Variants in CSNK2A2 observed in about 807,000 individuals in gnomAD.
CSNK2A2 encodes casein kinase 2 alpha 2.
In CSNK2A2, 8 loss-of-function variants were observed where a neutral mutation model predicts 54.0. The ratio of observed to expected loss-of-function variants is 0.15; its 90% CI spans 0.09 to 0.27. The LOEUF (loss-of-function observed/expected upper bound fraction) is 0.27, where lower values mean the gene tolerates loss of function less well. Among genes scored for constraint, CSNK2A2 ranks in the 10% least tolerant of loss-of-function variants. The pLI is 1.00. For missense variants in CSNK2A2, 242 were observed against 439.4 expected (o/e 0.55, Z 4.02); for synonymous variants, 141 against 153.9 (o/e 0.92, Z 0.62).
chr16:58,161,397 T>C (rs1961351975), intron 11 of CSNK2A2: 1 of 152,204 alleles, frequency 6.6e-6, no homozygotes. Flanking sequence ...ATAGGCACTT[T>C]TAACCTGTTT....
rs1962477452 is a variant in CSNK2A2 at position 58,197,135 on chromosome 16, GC to G, written c.105-292del. 3 of 376,960 alleles carry G rather than the reference GC, an allele frequency of 8.0e-6. No homozygotes were observed. The highest frequency in any genetic ancestry group is 2.0e-5 in the African/African-American group (1 of 49,458). 23.4% of individuals were successfully genotyped at this position (376,960 alleles called of 1,614,324 possible). A position where few individuals can be genotyped will look rare whatever the true frequency, so the allele number is the denominator to read the frequency against. On this transcript the variant is annotated intron_variant, in intron 1 of 11. Coordinates refer to ENST00000262506, the MANE Select transcript of CSNK2A2 (RefSeq NM_001896.4). The surrounding 1 kb of genome is among the most constrained non-coding windows in gnomAD (Gnocchi z 4.0). ...CACCCGTCCTGAAGGCCTAGAGGGT[GC>G]CCCCTGTGCCCCGCGGCTCCCCAGC...
chr16:58,162,401 G>A (rs1377818992), intron 11 of CSNK2A2: 1 of 152,002 alleles, frequency 6.6e-6, no homozygotes, highest in African/African-American at 2.4e-5. Context: ...CTTGGCTTTG[G>A]GATCTTATTT....
intron 2 of CSNK2A2, among the ~76,000 whole-genome samples, chr16:58,190,787 G>C (rs1011015471): frequency 5.9e-5 from 9 of 152,228 alleles, no homozygotes; most frequent in Admixed American, 5.2e-4. Context: ...GTACACTGCA[G>C]TCAGAATGTA....
chr16:58,193,029 C>A (rs1962354937), intron 2 of CSNK2A2: 1 of 152,228 alleles, frequency 6.6e-6, no homozygotes, highest in Non-Finnish European at 1.5e-5. Context: ...TAATTTTTAA[C>A]ATTATTTTTA....
intron 4 of CSNK2A2, among the ~76,000 whole-genome samples, 186 bp from the exon 5 acceptor site, chr16:58,174,696 G>T (rs1238461962): frequency 6.6e-6 from 1 of 150,502 alleles, no homozygotes; most frequent in Non-Finnish European, 1.5e-5. Context: ...ATCATCAGAA[G>T]AGAAGAAAAA....
At chr16:58,186,695 A>G in intron 3 of CSNK2A2, 60 bp downstream of exon 3, 1 of 1,210,208 alleles carries the variant, frequency 8.3e-7, no homozygotes, top group Non-Finnish European at 1.2e-6. Context: ...TGTGTGTTAA[A>G]CAACTCCCAT....
chr16:58,171,958 C>CATATATATATATATAT (rs71155247), intron 5 of CSNK2A2, among the ~76,000 whole-genome samples: 56 of 31,308 alleles, frequency 1.8e-3, no homozygotes, highest in African/African-American at 4.1e-3. Flanking sequence ...CTGGAGCATG[C>CATATATATATATATAT]ATATATATAT....
intron 5 of CSNK2A2, among the ~76,000 whole-genome samples, chr16:58,169,390 G>A (rs980369418): frequency 3.3e-5 from 5 of 152,098 alleles, no homozygotes; most frequent in Admixed American, 6.5e-5. Flanking sequence ...TTAGCTGGGC[G>A]TGGTGGTGCG....
chr16:58,193,728 T>A (rs962648888), intron 2 of CSNK2A2, among the ~76,000 whole-genome samples: 1 of 152,204 alleles, frequency 6.6e-6, no homozygotes, highest in Non-Finnish European at 1.5e-5. Context: ...AAGAACTGAT[T>A]TTTCAAAATC....
intron 4 of CSNK2A2, among the ~76,000 whole-genome samples, chr16:58,177,460 G>T (rs1256262350): frequency 6.6e-6 from 1 of 152,176 alleles, no homozygotes; most frequent in Non-Finnish European, 1.5e-5. Flanking sequence ...GGGCCTCCAT[G>T]GTGTAAAACC....
rs953827192 is a variant in CSNK2A2, at chr16:58,186,655, C to T, written c.318+100G>A. 10 of 800,512 alleles carry T rather than the reference C, an allele frequency of 1.2e-5. No individual in the cohort carries two copies. In the African/African-American group the frequency reaches 1.8e-4, roughly 14 times the overall value. 49.6% of individuals were successfully genotyped at this position (800,512 alleles called of 1,614,324 possible). A position where few individuals can be genotyped will look rare whatever the true frequency, so the allele number is the denominator to read the frequency against. On this transcript the variant is annotated intron_variant, in intron 3 of 11. Coordinates refer to ENST00000262506, the MANE Select transcript of CSNK2A2 (RefSeq NM_001896.4). Reference sequence around the variant, plus strand: ...AGTCAGTAGTTAAAGACAAACACCACCATCCCCACTGTATCATTACGTGAG... The same window carrying T: ...AGTCAGTAGTTAAAGACAAACACCATCATCCCCACTGTATCATTACGTGAG...
chr16:58,158,547 T>C (rs564947648), intron 11 of CSNK2A2, among the ~76,000 whole-genome samples, 194 bp from the exon 12 acceptor site: 1 of 152,324 alleles, frequency 6.6e-6, no homozygotes, highest in Admixed American at 6.5e-5. Flanking sequence ...CTGATTATCA[T>C]GACAGAGATG....
At chr16:58,188,261 C>T (rs762649075) in intron 2 of CSNK2A2, among the ~76,000 whole-genome samples, 38 of 152,348 alleles carry the variant, frequency 2.5e-4, no homozygotes, top group Non-Finnish European at 4.0e-4. Context: ...ACCCGCTCTC[C>T]GCCCGCTGTG....
At chr16:58,162,439 TAATAAGAG>T (rs1961410758) in intron 11 of CSNK2A2, 1 of 152,258 alleles carries the variant, frequency 6.6e-6, no homozygotes, top group East Asian at 1.9e-4. Flanking sequence ...CTCAACTCTA[TAATAAGAG>T]AAGAGTTTCA....
intron 7 of CSNK2A2, 145 bp downstream of exon 7, chr16:58,167,540 C>G: frequency 1.5e-6 from 1 of 656,860 alleles, no homozygotes; most frequent in Non-Finnish European, 2.6e-6. Flanking sequence ...CCCCAAAAAA[C>G]TAGCTGAGAA....
intron 5 of CSNK2A2, among the ~76,000 whole-genome samples, chr16:58,170,384 T>C (rs1020691790): frequency 7.2e-5 from 11 of 152,240 alleles, no homozygotes; most frequent in African/African-American, 2.4e-4. Context: ...TTCAGTATAC[T>C]GTTTCTGAGA....
intron 4 of CSNK2A2, 149 bp from the exon 5 acceptor site, chr16:58,174,659 G>A: frequency 1.0e-5 from 5 of 485,638 alleles, no homozygotes; most frequent in East Asian, 3.5e-5. Context: ...TAAATGGGAA[G>A]ACTAAAGATG....
At chr16:58,160,704 CCCT>C (rs1246680538) in intron 11 of CSNK2A2, 1 of 152,222 alleles carries the variant, frequency 6.6e-6, no homozygotes, top group Non-Finnish European at 1.5e-5. Flanking sequence ...CTAATTTATC[CCCT>C]CAAGAAGTTA....
intron 5 of CSNK2A2, 80 bp from the exon 6 acceptor site, chr16:58,168,773 A>T: frequency 9.0e-7 from 1 of 1,112,196 alleles, no homozygotes; most frequent in Non-Finnish European, 1.3e-6. Flanking sequence ...ATTGTTTGTG[A>T]CACCTTGACT....
Sources: allele counts gnomAD v4.1 joint callset (sites outside exome capture counted in the v4.1 genomes callset), GRCh38; gene constraint gnomAD v4.1.1; non-coding constraint Gnocchi (gnomAD v3.1); transcripts MANE v1.5; gene names NCBI Gene and HGNC (gene_info 2026-07-23, HGNC 2026-07-21).